TNRC6B: variants seen among roughly 807,000 people sequenced by gnomAD.
TNRC6B encodes trinucleotide repeat containing adaptor 6B.
A neutral mutation model predicts 203.6 loss-of-function variants in TNRC6B; 52 were observed. The observed-to-expected ratio is 0.26, with a 90% CI of 0.20 to 0.32. The LOEUF (loss-of-function observed/expected upper bound fraction) is 0.32. Ranked by LOEUF, TNRC6B falls within the 10% of genes least tolerant of loss-of-function variation. TNRC6B has a pLI of 1.00. For missense variants in TNRC6B, 1,923 were observed against 2,286.2 expected (o/e 0.84, Z 3.24); for synonymous variants, 838 against 845.7 (o/e 0.99, Z 0.16).
chr22:40,154,234 C>G (rs978936064), intron 3 of TNRC6B, among the ~76,000 whole-genome samples: 1 of 152,008 alleles, frequency 6.6e-6, no homozygotes. Context: ...GAGGCCAAGA[C>G]GGGTGGATCA....
At chr22:40,084,793 A>T (rs535832067) in intron 1 of TNRC6B, among the ~76,000 whole-genome samples, 1 of 152,198 alleles carries the variant, frequency 6.6e-6, no homozygotes, top group East Asian at 1.9e-4. Context: ...GTTAGAGTGC[A>T]GTAGGAGTCA....
chr22:40,209,051 T>C (rs1334787719), intron 1 of TNRC6B, among the ~76,000 whole-genome samples: 1 of 152,212 alleles, frequency 6.6e-6, no homozygotes, highest in Non-Finnish European at 1.5e-5. Context: ...CCCCTGTTCA[T>C]TTTATTATTA....
intron 1 of TNRC6B, among the ~76,000 whole-genome samples, chr22:40,218,051 G>C (rs2069658588): frequency 6.6e-6 from 1 of 150,910 alleles, no homozygotes. Context: ...AAACCTATTT[G>C]TCTCAGTGAA....
At chr22:40,133,690 C>T (rs1057308049) in intron 3 of TNRC6B, among the ~76,000 whole-genome samples, 6 of 151,902 alleles carry the variant, frequency 3.9e-5, no homozygotes, top group Admixed American at 6.6e-5. Context: ...GGTAATGTGC[C>T]GGGCACGGTG....
At chr22:40,209,560 C>T (rs1230967624) in intron 1 of TNRC6B, among the ~76,000 whole-genome samples, 2 of 152,174 alleles carry the variant, frequency 1.3e-5, no homozygotes. Flanking sequence ...AGAATGGTGG[C>T]ATTCTTACGC....
chr22:40,075,154 A>ATG (rs1181613595), intron 1 of TNRC6B, among the ~76,000 whole-genome samples: 2 of 55,396 alleles, frequency 3.6e-5, no homozygotes, highest in Admixed American at 4.3e-4. Flanking sequence ...ATATATATAT[A>ATG]TATTTTTTTT....
intron 12 of TNRC6B, among the ~76,000 whole-genome samples, chr22:40,300,196 C>A (rs2071003473): frequency 6.6e-6 from 1 of 151,692 alleles, no homozygotes; most frequent in African/African-American, 2.4e-5. Flanking sequence ...AAGATGTTTT[C>A]CTGAATATAA....
At position 40,323,460 on chromosome 22, in the gene TNRC6B, G is replaced by T; in HGVS notation, c.*219G>T. On this transcript the variant is annotated 3_prime_UTR_variant, in exon 23 of 23. Coordinates refer to ENST00000454349, the MANE Select transcript of TNRC6B (RefSeq NM_001162501.2). ...CGTTTGGAATATGAATCCAAAAAGA[G>T]AACATATCACTCTTGAAATACTTGA... 1 of 493,570 alleles carries T rather than the reference G, an allele frequency of 2.0e-6. No individual in the cohort carries two copies. The highest frequency in any genetic ancestry group is 3.5e-6 in the Non-Finnish European group (1 of 285,810). The allele number at this position is 493,570 out of a possible 1,614,324, so 30.6% of individuals were successfully genotyped here. A position where few individuals can be genotyped will look rare whatever the true frequency, so the allele number is the denominator to read the frequency against.
At chr22:40,104,849 G>A (rs1490559581) in intron 1 of TNRC6B, among the ~76,000 whole-genome samples, 2 of 152,176 alleles carry the variant, frequency 1.3e-5, no homozygotes, top group East Asian at 1.9e-4. Context: ...CGAGAAGGCC[G>A]CAAAACTGAG....
intron 2 of TNRC6B, among the ~76,000 whole-genome samples, chr22:40,247,540 T>C (rs1323366171): frequency 1.3e-5 from 2 of 152,346 alleles, no homozygotes; most frequent in East Asian, 1.9e-4. Context: ...ATATATGAAA[T>C]GTAATTTTAT....
At chr22:40,302,629 T>C (rs948460104) in intron 15 of TNRC6B, among the ~76,000 whole-genome samples, 66 of 127,998 alleles carry the variant, frequency 5.2e-4, no homozygotes, top group African/African-American at 1.8e-3. Flanking sequence ...CAAGACCCCA[T>C]CTCAAAAAAA....
chr22:40,335,388 A>G lies in TNRC6B; in HGVS notation c.*12147A>G, dbSNP rs1214845171. 6.6e-6 allele frequency: 1 copy of G among 151,688 alleles called. No individual in the cohort carries two copies. Among genetic ancestry groups the G allele is most frequent in the Non-Finnish European group, 1.5e-5 (1 of 67,864 alleles). 9.4% of individuals were successfully genotyped at this position (151,688 alleles called of 1,614,324 possible). A position where few individuals can be genotyped will look rare whatever the true frequency, so the allele number is the denominator to read the frequency against. On this transcript the variant is annotated 3_prime_UTR_variant, in exon 23 of 23. Coordinates refer to ENST00000454349, the MANE Select transcript of TNRC6B (RefSeq NM_001162501.2). ...TTAAAAAAACAAACAATAAAATGTTAAACTCTACTAATGTACAAATAAGCT... is the reference window on the plus strand; with the variant it reads ...TTAAAAAAACAAACAATAAAATGTTGAACTCTACTAATGTACAAATAAGCT...
chr22:40,213,945 C>T (rs536408665), intron 1 of TNRC6B, among the ~76,000 whole-genome samples: 84 of 152,024 alleles, frequency 5.5e-4, no homozygotes, highest in Non-Finnish European at 8.8e-4. Context: ...AGACAGGTAC[C>T]GAGGAGAAAG....
intron 3 of TNRC6B, among the ~76,000 whole-genome samples, chr22:40,135,351 C>T (rs895158863): frequency 2.6e-5 from 4 of 152,166 alleles, no homozygotes; most frequent in African/African-American, 9.7e-5. Flanking sequence ...CACCATACAG[C>T]GACTAGAGTG....
chr22:40,179,031 T>G (rs2069100878), intron 1 of TNRC6B, among the ~76,000 whole-genome samples: 1 of 152,232 alleles, frequency 6.6e-6, no homozygotes, highest in African/African-American at 2.4e-5. Context: ...TCAGCATAAA[T>G]TCATCGTGTG....
chr22:40,197,953 G>C (rs2069362813), intron 1 of TNRC6B, among the ~76,000 whole-genome samples: 1 of 151,942 alleles, frequency 6.6e-6, no homozygotes, highest in Admixed American at 6.6e-5. Flanking sequence ...AACTAAAAAA[G>C]AAAAATCACT....
chr22:40,145,781 G>A (rs1172215442), intron 3 of TNRC6B, among the ~76,000 whole-genome samples: 1 of 152,106 alleles, frequency 6.6e-6, no homozygotes, highest in Non-Finnish European at 1.5e-5. Flanking sequence ...GGCAGAGGTT[G>A]CAGTGAGCCA....
chr22:40,144,123 T>G (rs1601839253), intron 3 of TNRC6B, among the ~76,000 whole-genome samples: 1 of 152,028 alleles, frequency 6.6e-6, no homozygotes. Context: ...TTGGAAGGAG[T>G]GTAAAATGGT....
intron 1 of TNRC6B, among the ~76,000 whole-genome samples, chr22:40,198,131 C>T (rs2069365053): frequency 6.6e-6 from 1 of 151,994 alleles, no homozygotes; most frequent in Non-Finnish European, 1.5e-5. Context: ...TGTAATTAGA[C>T]AATAATTAAA....
Sources: gnomAD v4.1 joint callset for allele counts (sites outside exome capture counted in the v4.1 genomes callset) on GRCh38, gnomAD v4.1.1 for gene constraint, MANE v1.5 for transcripts, NCBI Gene and HGNC (gene_info 2026-07-23, HGNC 2026-07-21) for gene names.